Variants in IMPG2 observed in about 807,000 individuals in gnomAD.
IMPG2 encodes the protein IPM 200.
In IMPG2, 91 loss-of-function variants were observed where a neutral mutation model predicts 129.2. The ratio of observed to expected loss-of-function variants is 0.70; its 90% CI spans 0.59 to 0.84. IMPG2 has a LOEUF of 0.84. IMPG2 is among the 40% of genes least tolerant of loss of function. The pLI is 0.00. For missense variants in IMPG2, 1,430 were observed against 1,461.7 expected, an observed-to-expected ratio of 0.98 and a Z score of 0.35; for synonymous variants, 510 against 517.7, an observed-to-expected ratio of 0.99 and a Z score of 0.20.
At chr3:101,269,745 A>C (rs1706759509) in intron 7 of IMPG2, among the ~76,000 whole-genome samples, 172 bp from the exon 8 acceptor site, 2 of 151,956 alleles carry the variant, frequency 1.3e-5, no homozygotes, top group Non-Finnish European at 2.9e-5. Flanking sequence ...TTACCTAAAC[A>C]CTGCCACATT....
chr3:101,244,910 GC>G, intron 12 of IMPG2, 123 bp from the exon 13 acceptor site: 1 of 815,624 alleles, frequency 1.2e-6, no homozygotes, highest in Admixed American at 2.1e-5. Flanking sequence ...GTTGACTTTT[GC>G]TTTTCTATAT....
At chr3:101,309,453 T>C (rs560867458) in intron 2 of IMPG2, among the ~76,000 whole-genome samples, 1 of 152,298 alleles carries the variant, frequency 6.6e-6, no homozygotes, top group African/African-American at 2.4e-5. Flanking sequence ...CTTCTTCACA[T>C]GGCATCGGGA....
At chr3:101,232,709 T>G in intron 15 of IMPG2, 72 bp downstream of exon 15, 2 of 1,279,088 alleles carry the variant, frequency 1.6e-6, no homozygotes, top group Non-Finnish European at 2.3e-6. Flanking sequence ...CCTAAAATTA[T>G]AGGTGCAGGC....
chr3:101,253,327 G>T (rs553717078), intron 11 of IMPG2, among the ~76,000 whole-genome samples: 1 of 151,970 alleles, frequency 6.6e-6, no homozygotes, highest in Non-Finnish European at 1.5e-5. Context: ...AAAAATCTAC[G>T]CTCTATACCT....
chr3:101,244,860 A>G lies in IMPG2; in HGVS notation c.1544-73T>C, dbSNP rs1706458862. The G allele has an allele frequency of 7.5e-6, 10 of 1,326,398 alleles. No homozygotes were observed. The South Asian group carries it at 1.2e-4, about 16-fold the overall frequency. 82.2% of individuals were successfully genotyped at this position (1,326,398 alleles called of 1,614,324 possible). A position where few individuals can be genotyped will look rare whatever the true frequency, so the allele number is the denominator to read the frequency against. On this transcript the variant is annotated intron_variant, in intron 12 of 18. Transcript: ENST00000193391. ...TATTCCTAGTTCTCCTAATAAAACTAGTTGCCTGTTTTTTCCCTGTGAAGT... is the reference window on the plus strand; with the variant it reads ...TATTCCTAGTTCTCCTAATAAAACTGGTTGCCTGTTTTTTCCCTGTGAAGT...
In IMPG2 at chr3:101,257,707, GA is replaced by G; in HGVS notation, c.974del (p.Leu325ProfsTer49). On this transcript the variant is annotated frameshift_variant, in exon 10 of 19. Coordinates refer to ENST00000193391, the MANE Select transcript of IMPG2 (RefSeq NM_016247.4). LOFTEE classifies it high-confidence loss of function. The part of the protein sequence containing the change: ...GEAISNTTWD[L>X]ISLHSNKVEN... ...CCACCTTGTTGGAGTGAAGGCTAAT[GA>G]GGTCCCAGGTGGTATTGCTGATGGC... is the stretch of plus-strand genomic sequence containing the variant. 1 of 1,613,386 alleles carries G rather than the reference GA, an allele frequency of 6.2e-7. No homozygotes were observed. Among genetic ancestry groups the G allele is most frequent in the Non-Finnish European group, 8.5e-7 (1 of 1,179,544 alleles).
chr3:101,304,740 T>C (rs956506077), intron 2 of IMPG2, among the ~76,000 whole-genome samples: 1 of 152,108 alleles, frequency 6.6e-6, no homozygotes, highest in Non-Finnish European at 1.5e-5. Flanking sequence ...TTGCTTTTCA[T>C]GATCACTGGG....
intron 9 of IMPG2, among the ~76,000 whole-genome samples, chr3:101,262,837 A>G (rs1706684694): frequency 6.6e-6 from 1 of 151,838 alleles, no homozygotes; most frequent in Non-Finnish European, 1.5e-5. Context: ...ACACATAAAT[A>G]TCTAGAGTGA....
chr3:101,284,147 C>T (rs1706921545), intron 4 of IMPG2, among the ~76,000 whole-genome samples: 1 of 152,114 alleles, frequency 6.6e-6, no homozygotes, highest in Admixed American at 6.6e-5. Flanking sequence ...GTCTGCATGA[C>T]AGACACAATA....
chr3:101,242,883 G>A lies in IMPG2; in HGVS notation c.2827C>T (p.Leu943Phe). 6.2e-7 allele frequency: 1 copy of A among 1,613,932 alleles called. No individual in the cohort carries two copies. The highest frequency in any genetic ancestry group is 8.5e-7 in the Non-Finnish European group (1 of 1,179,838). Residue 943 changes from leucine to phenylalanine, a missense_variant, in exon 14 of 19, where the codon CTC (leucine) becomes TTC (phenylalanine). Leu to Phe is a conservative substitution (Grantham distance 22). Transcript: ENST00000193391. Reference protein sequence around the residue: ...ELLVPYLQSNLTGFQNLEILN... With the variant: ...ELLVPYLQSNFTGFQNLEILN... ...ATTTCTAAGTTCTGGAACCCCGTGAGATTTGACTGGAGATAGGGAACCAGC... is the reference window on the plus strand; with the variant it reads ...ATTTCTAAGTTCTGGAACCCCGTGAAATTTGACTGGAGATAGGGAACCAGC...
intron 3 of IMPG2, among the ~76,000 whole-genome samples, chr3:101,299,524 T>C (rs1171968762): frequency 6.6e-6 from 1 of 152,254 alleles, no homozygotes; most frequent in Non-Finnish European, 1.5e-5. Flanking sequence ...CTCATCTTTC[T>C]AAGTTTGTCT....
chr3:101,256,179 AAGAAAG>A (rs1706602528), intron 10 of IMPG2, among the ~76,000 whole-genome samples: 1 of 149,848 alleles, frequency 6.7e-6, no homozygotes, highest in Non-Finnish European at 1.5e-5. Context: ...GAAAGAAAGA[AAGAAAG>A]AAAGAAAGAA....
At chr3:101,234,236 C>T (rs1706321699) in intron 14 of IMPG2, among the ~76,000 whole-genome samples, 1 of 150,564 alleles carries the variant, frequency 6.6e-6, no homozygotes, top group African/African-American at 2.5e-5. Context: ...GAAATTTGGA[C>T]ACAGACAGAA....
At chr3:101,300,320 T>C (rs573208877) in intron 3 of IMPG2, among the ~76,000 whole-genome samples, 65 of 152,278 alleles carry the variant, frequency 4.3e-4, no homozygotes, top group African/African-American at 1.5e-3. Context: ...CCTGGGAGCT[T>C]AGTGTGTTAG....
At chr3:101,245,769 T>C (rs764060865) in intron 12 of IMPG2, 33 bp downstream of exon 12, 1 of 1,590,016 alleles carries the variant, frequency 6.3e-7, no homozygotes, top group East Asian at 2.2e-5. Flanking sequence ...TCGGATACAA[T>C]AAGAAGTACG....
chr3:101,304,205 T>C lies in IMPG2; in HGVS notation c.442A>G (p.Ile148Val), dbSNP rs1707165755. The C allele has an allele frequency of 1.2e-6, 2 of 1,613,824 alleles. No homozygotes were observed. Among genetic ancestry groups the C allele is most frequent in the African/African-American group, 2.7e-5 (2 of 74,930 alleles). Reference sequence around the variant, plus strand: ...CTAAAATTTGTGCCCATTTCAAATATACTTGTGACTCCATCCTCACACAAA... The same window carrying C: ...CTAAAATTTGTGCCCATTTCAAATACACTTGTGACTCCATCCTCACACAAA... ...MNLCEDGVTSIFEMGTNFSES... is the reference protein window; with the variant it reads ...MNLCEDGVTSVFEMGTNFSES... Residue 148 changes from isoleucine (I) to valine (V), a missense_variant, in exon 3 of 19, where the codon ATA (isoleucine) becomes GTA (valine). Physicochemically the swap from Ile to Val is conservative, Grantham distance 29. Transcript: ENST00000193391.
chr3:101,319,291 A>G (rs980282713), intron 2 of IMPG2, among the ~76,000 whole-genome samples: 2 of 152,150 alleles, frequency 1.3e-5, no homozygotes, highest in African/African-American at 2.4e-5. Context: ...TAACGCACCA[A>G]AAGCTACAAA....
chr3:101,243,404 G>T (rs1706431314), intron 13 of IMPG2, 125 bp downstream of exon 13: 1 of 832,236 alleles, frequency 1.2e-6, no homozygotes, highest in African/African-American at 1.7e-5. Flanking sequence ...ATTTGTGAAT[G>T]ATAGGAAGTG....
chr3:101,238,683 A>G (rs906867991), intron 14 of IMPG2, among the ~76,000 whole-genome samples: 1 of 152,206 alleles, frequency 6.6e-6, no homozygotes, highest in African/African-American at 2.4e-5. Context: ...AGATTTTATC[A>G]CCATTAGGCC....
Sources: allele counts gnomAD v4.1 joint callset (sites outside exome capture counted in the v4.1 genomes callset), GRCh38; gene constraint gnomAD v4.1.1; transcripts MANE v1.5; gene names NCBI Gene and HGNC (gene_info 2026-07-23, HGNC 2026-07-21).